The following DIAPH1 variants were observed in gnomAD, a reference collection of about 807,000 sequenced individuals.
The protein encoded by DIAPH1 is diaphanous related formin 1.
In DIAPH1, 46 loss-of-function variants were observed where a neutral mutation model predicts 140.7. That is an observed-to-expected ratio of 0.33 (90% CI 0.26 to 0.42). DIAPH1 has a LOEUF of 0.42. Among genes scored for constraint, DIAPH1 ranks in the 10% least tolerant of loss-of-function variants. DIAPH1 has a pLI of 1.00. For missense variants in DIAPH1, 1,310 were observed against 1,558.7 expected (o/e 0.84, Z 2.69); for synonymous variants, 565 against 551.6 (o/e 1.02, Z -0.34).
At chr5:141,551,285 A>G (rs1359698032) in intron 18 of DIAPH1, among the ~76,000 whole-genome samples, 2 of 152,160 alleles carry the variant, frequency 1.3e-5, no homozygotes, top group Non-Finnish European at 2.9e-5. Context: ...CCACATCTCT[A>G]CCAAAAATAC....
chr5:141,533,443 C>T (rs957515743), intron 19 of DIAPH1, among the ~76,000 whole-genome samples: 10 of 152,158 alleles, frequency 6.6e-5, no homozygotes, highest in African/African-American at 2.4e-4. Flanking sequence ...GAACAGAACC[C>T]TTCTCTGGAG....
chr5:141,548,998 G>A (rs879515139), intron 18 of DIAPH1, among the ~76,000 whole-genome samples: 25 of 152,042 alleles, frequency 1.6e-4, no homozygotes, highest in Non-Finnish European at 2.9e-4. Flanking sequence ...AAATTAATCC[G>A]TAAGAGGGCA....
intron 1 of DIAPH1, chr5:141,618,594 G>C (rs1235928468): frequency 6.3e-6 from 3 of 479,322 alleles, no homozygotes; most frequent in Non-Finnish European, 1.2e-5. Flanking sequence ...GAGGTGGCCG[G>C]GGCAAGAGCC....
intron 20 of DIAPH1, 70 bp from the exon 21 acceptor site, chr5:141,529,343 T>G: frequency 8.0e-7 from 1 of 1,245,610 alleles, no homozygotes; most frequent in Non-Finnish European, 1.2e-6. Context: ...CAACTTTTAC[T>G]CTGTTGTCAG....
intron 18 of DIAPH1, among the ~76,000 whole-genome samples, chr5:141,540,248 G>A (rs114627967): frequency 1.3e-5 from 2 of 151,480 alleles, no homozygotes; most frequent in Non-Finnish European, 2.9e-5. Context: ...TCCTTCTCGA[G>A]TAGCTGGGAT....
At position 141,574,142 on chromosome 5, in the gene DIAPH1, T is replaced by C. The variant is rs886042233; in HGVS notation, c.1708A>G (p.Ile570Val). Residue 570 changes from isoleucine to valine, a missense_variant, in exon 16 of 28, where the codon ATT (isoleucine) becomes GTT (valine). By Grantham distance (29) the Ile-to-Val change is conservative (BLOSUM62 3). This residue lies in a region of DIAPH1 where 589 missense variants were observed against 549.3 expected (regional missense o/e 1.07). Coordinates refer to ENST00000389054, the MANE Select transcript of DIAPH1 (RefSeq NM_005219.5). ...CTAGGAACAGAAGGAGGTACAGTAA[T>C]AGCTGCCGCAGAGAGGGAAGCCATT... ...KEMASLSAAA[I>V]TVPPSVPSRA... The C allele has an allele frequency of 4.5e-5, 72 of 1,613,918 alleles. No individual in the cohort carries two copies. Among genetic ancestry groups the C allele is most frequent in the Middle Eastern group, 1.6e-4 (1 of 6,068 alleles).
intron 1 of DIAPH1, 71 bp from the exon 2 acceptor site, chr5:141,588,321 C>T: frequency 2.6e-6 from 3 of 1,150,878 alleles, no homozygotes; most frequent in Admixed American, 1.7e-5. Flanking sequence ...CTCCCAAACA[C>T]CAGACGGGTT....
chr5:141,581,974 G>A (rs1410207631), intron 7 of DIAPH1: 1 of 207,614 alleles, frequency 4.8e-6, no homozygotes, highest in Non-Finnish European at 9.5e-6. Context: ...GCAGGAGAAT[G>A]GCATGAATCC....
At chr5:141,588,391 C>A in intron 1 of DIAPH1, 141 bp from the exon 2 acceptor site, 1 of 676,314 alleles carries the variant, frequency 1.5e-6, no homozygotes, top group Non-Finnish European at 2.8e-6. Flanking sequence ...CTAATGATTT[C>A]TGTCAAAGTA....
intron 18 of DIAPH1, among the ~76,000 whole-genome samples, chr5:141,569,975 T>C (rs1168980514): frequency 1.3e-5 from 2 of 152,160 alleles, no homozygotes; most frequent in Non-Finnish European, 2.9e-5. Flanking sequence ...CAAAGATCTT[T>C]TACTAAAGTT....
intron 1 of DIAPH1, among the ~76,000 whole-genome samples, chr5:141,618,183 G>T (rs1034727443): frequency 6.6e-6 from 1 of 152,222 alleles, no homozygotes; most frequent in Admixed American, 6.5e-5. Context: ...ATAGGACCTG[G>T]GCAGGAGCCC....
At chr5:141,555,545 GC>G (rs1311185571) in intron 18 of DIAPH1, among the ~76,000 whole-genome samples, 3 of 152,112 alleles carry the variant, frequency 2.0e-5, no homozygotes, top group African/African-American at 7.2e-5. Context: ...TTGGGTTCCA[GC>G]CCCCATTTTC....
chr5:141,520,365 AT>A (rs1274708226), intron 27 of DIAPH1, among the ~76,000 whole-genome samples: 2 of 152,306 alleles, frequency 1.3e-5, no homozygotes, highest in African/African-American at 4.8e-5. Flanking sequence ...GTGGACTACA[AT>A]GTTGGAGGTG....
Position 141,520,529 on chromosome 5 carries a change from C to T in DIAPH1, c.3662-3521G>A, listed in dbSNP as rs1297216992. On this transcript the variant is annotated intron_variant, in intron 27 of 27. Coordinates refer to ENST00000389054, the MANE Select transcript of DIAPH1 (RefSeq NM_005219.5). ...TTCCGCCTTGTGATACACCTTCTCC[C>T]CCCTTGATTGGAAGCTTCCTGAGGC... 2.0e-5 allele frequency among the ~76,000 whole-genome samples: 3 copies of T among 152,160 alleles called. 1 individual carries two copies. The highest frequency in any genetic ancestry group is 4.1e-4 in the South Asian group (2 of 4,830).
chr5:141,536,231 G>A (rs1309108638), intron 18 of DIAPH1, among the ~76,000 whole-genome samples: 1 of 152,182 alleles, frequency 6.6e-6, no homozygotes. Flanking sequence ...GAGCCCAGGA[G>A]ATTGAGGCTG....
chr5:141,588,173 T>C (rs991092166), intron 2 of DIAPH1, 51 bp downstream of exon 2: 2 of 1,458,738 alleles, frequency 1.4e-6, no homozygotes, highest in South Asian at 1.1e-5. Context: ...GTAAATATGA[T>C]AGTGTAGGCA....
intron 26 of DIAPH1, chr5:141,524,630 T>C: frequency 3.0e-6 from 1 of 329,490 alleles, no homozygotes; most frequent in South Asian, 2.5e-5. Context: ...TGGTTAGGTT[T>C]CAGAGCAGGG....
intron 1 of DIAPH1, among the ~76,000 whole-genome samples, chr5:141,605,409 T>C (rs2099900771): frequency 6.6e-6 from 1 of 152,256 alleles, no homozygotes; most frequent in African/African-American, 2.4e-5. Context: ...TTCAAAAATA[T>C]ATATGTGTTT....
chr5:141,558,916 TAAAAAA>T (rs11315376), intron 18 of DIAPH1, among the ~76,000 whole-genome samples: 2 of 143,738 alleles, frequency 1.4e-5, no homozygotes, highest in African/African-American at 2.5e-5. Context: ...CACAAGTTGT[TAAAAAA>T]AAAAAAAAAA....
Sources: gnomAD v4.1 joint callset for allele counts (sites outside exome capture counted in the v4.1 genomes callset) on GRCh38, gnomAD v4.1.1 for gene constraint, gnomAD v4.1.1 regional missense constraint, MANE v1.5 for transcripts, NCBI Gene and HGNC (gene_info 2026-07-23, HGNC 2026-07-21) for gene names.